Variants in COL18A1 observed in about 807,000 individuals in gnomAD.
COL18A1 encodes collagen alpha-1(XVIII) chain.
COL18A1 carries 133 observed loss-of-function variants against 168.0 expected under a neutral mutation model. The observed-to-expected ratio is 0.79, with a 90% CI of 0.69 to 0.91. The LOEUF is 0.91. COL18A1 is among the 40% of genes least tolerant of loss of function. COL18A1 has a pLI of 0.00. For synonymous variants in COL18A1, 949 were observed against 809.0 expected (o/e 1.17, Z -2.94); for missense variants, 2,126 against 1,925.4 (o/e 1.10, Z -1.95).
At chr21:45,405,915 C>T (rs1381571923) in intron 2 of COL18A1, among the ~76,000 whole-genome samples, 4 of 151,790 alleles carry the variant, frequency 2.6e-5, no homozygotes, top group African/African-American at 7.3e-5. Context: ...CCTGTTGAGG[C>T]TCCTCGCCGC....
At chr21:45,495,613 C>A in intron 29 of COL18A1, 181 bp downstream of exon 29, 3 of 623,362 alleles carry the variant, frequency 4.8e-6, no homozygotes, top group Non-Finnish European at 8.9e-6. Flanking sequence ...CACACGCACA[C>A]GTGTGCCCAA....
At position 45,455,830 on chromosome 21, in the gene COL18A1, G is replaced by A. The variant is rs370812546; in HGVS notation, c.107-12412G>A. On this transcript the variant is annotated intron_variant, in intron 2 of 41. Transcript: ENST00000651438. ...ACACCCCCACTTCTGCCGAGAGCCC[G>A]GACGCGCCAGAGGAGAACATTGCCG... 19 of 1,613,164 alleles carry A rather than the reference G, an allele frequency of 1.2e-5. No individual in the cohort carries two copies. The highest frequency in any genetic ancestry group is 2.2e-5 in the East Asian group (1 of 44,890).
At chr21:45,472,909 C>T (rs2035497578) in intron 3 of COL18A1, among the ~76,000 whole-genome samples, 7 of 152,222 alleles carry the variant, frequency 4.6e-5, no homozygotes, top group East Asian at 3.9e-4. Flanking sequence ...ACACTCAGCA[C>T]TCACACCCCG....
intron 15 of COL18A1, among the ~76,000 whole-genome samples, chr21:45,485,388 T>C (rs1024788126): frequency 6.6e-6 from 1 of 151,670 alleles, no homozygotes; most frequent in Admixed American, 6.6e-5. Context: ...CCCAGCACTT[T>C]GGGAGGCTGA....
chr21:45,495,541 G>C, intron 29 of COL18A1, 109 bp downstream of exon 29: 1 of 905,174 alleles, frequency 1.1e-6, no homozygotes, highest in South Asian at 1.4e-5. Flanking sequence ...CTTATAAGCA[G>C]CCCTGCCATG....
At chr21:45,475,242 C>T (rs768957537) in intron 4 of COL18A1, among the ~76,000 whole-genome samples, 17 of 152,336 alleles carry the variant, frequency 1.1e-4, no homozygotes, top group Middle Eastern at 3.4e-3. Flanking sequence ...GGTTCAGAAG[C>T]GTCACTGTCC....
rs1427494908 is a variant in COL18A1 at position 45,443,526 on chromosome 21, C to G, written c.107-24716C>G. ...CAGAGCTAGGAGCCTCGGCCAAGGGCTCCCTCCTTGCACTGTGGTCTCTCG... is the reference window on the plus strand; with the variant it reads ...CAGAGCTAGGAGCCTCGGCCAAGGGGTCCCTCCTTGCACTGTGGTCTCTCG... On this transcript the variant is annotated intron_variant, in intron 2 of 41. Transcript: ENST00000651438. This position sits in a 1 kb window ranked among gnomAD's most constrained non-coding sequence, Gnocchi z 5.2. 1.3e-5 allele frequency among the ~76,000 whole-genome samples: 2 copies of G among 152,162 alleles called. No homozygotes were observed. Among genetic ancestry groups the G allele is most frequent in the Non-Finnish European group, 2.9e-5 (2 of 68,004 alleles).
intron 11 of COL18A1, 101 bp downstream of exon 11, chr21:45,480,257 C>A: frequency 1.8e-6 from 2 of 1,134,794 alleles, no homozygotes; most frequent in Non-Finnish European, 2.6e-6. Context: ...CAGGGGCTTG[C>A]GTGGGGTCTT....
intron 32 of COL18A1, among the ~76,000 whole-genome samples, chr21:45,503,423 T>G (rs1394953256): frequency 6.6e-6 from 1 of 152,142 alleles, no homozygotes; most frequent in African/African-American, 2.4e-5. Flanking sequence ...GGGTTGTTTG[T>G]GGCACATATA....
chr21:45,475,655 G>A lies in COL18A1; in HGVS notation c.798+120G>A. 5.7e-6 allele frequency: 5 copies of A among 879,566 alleles called. No individual in the cohort carries two copies. In the South Asian group the frequency reaches 7.4e-5, roughly 13 times the overall value. 54.5% of individuals were successfully genotyped at this position (879,566 alleles called of 1,614,324 possible). A position where few individuals can be genotyped will look rare whatever the true frequency, so the allele number is the denominator to read the frequency against. ...CCAAGAGCTCCCTCTATGCCACGAAGACATATTCCTGGCTGGGGACAGGGA... is the reference window on the plus strand; with the variant it reads ...CCAAGAGCTCCCTCTATGCCACGAAAACATATTCCTGGCTGGGGACAGGGA... On this transcript the variant is annotated intron_variant, in intron 5 of 41. Transcript: ENST00000651438.
intron 2 of COL18A1, among the ~76,000 whole-genome samples, chr21:45,418,728 T>G (rs2033524713): frequency 6.6e-6 from 1 of 150,430 alleles, no homozygotes. Context: ...CGTCACTTCC[T>G]GGGGTCTCAG....
intron 2 of COL18A1, among the ~76,000 whole-genome samples, chr21:45,450,205 C>T (rs988347644): frequency 6.6e-6 from 1 of 152,154 alleles, no homozygotes; most frequent in Admixed American, 6.5e-5. Flanking sequence ...AGGGAGGCCA[C>T]ACCTGAGGGG....
intron 24 of COL18A1, 53 bp downstream of exon 24, chr21:45,492,766 A>C: frequency 1.1e-6 from 1 of 948,290 alleles, no homozygotes; most frequent in Non-Finnish European, 1.6e-6. Flanking sequence ...AGGGGTCTCC[A>C]CCTGGTAGCA....
chr21:45,452,911 ATGTG>A (rs910906389), intron 2 of COL18A1, among the ~76,000 whole-genome samples: 10 of 151,160 alleles, frequency 6.6e-5, no homozygotes, highest in Non-Finnish European at 8.9e-5. Context: ...ATGTATGTAC[ATGTG>A]TGTGAGTATT....
intron 2 of COL18A1, among the ~76,000 whole-genome samples, chr21:45,464,422 C>T (rs919605617): frequency 7.9e-5 from 12 of 152,160 alleles, no homozygotes; most frequent in African/African-American, 2.7e-4. Context: ...TCCCACTAAC[C>T]ACGGCCACCT....
intron 2 of COL18A1, among the ~76,000 whole-genome samples, chr21:45,464,260 G>A (rs1485618038): frequency 6.6e-6 from 1 of 152,172 alleles, no homozygotes; most frequent in African/African-American, 2.4e-5. Flanking sequence ...CTCTTCCCAG[G>A]ATGGGATTTT....
chr21:45,476,860 TTG>T (rs995345815), intron 6 of COL18A1, among the ~76,000 whole-genome samples: 5 of 151,218 alleles, frequency 3.3e-5, no homozygotes, highest in African/African-American at 9.7e-5. Context: ...AGTGTGCGTA[TTG>T]TGTGTATGTG....
rs1177196097 is a variant in COL18A1, at chr21:45,443,102, C to T, written c.107-25140C>T. On this transcript the variant is annotated intron_variant, in intron 2 of 41. Transcript: ENST00000651438. The surrounding 1 kb of genome is among the most constrained non-coding windows in gnomAD (Gnocchi z 5.2). Reference sequence around the variant, plus strand: ...GTGGTGGTGGTGCTGATGTGGGCGGCGGTGCTGGTGTGGGCGGCGGTGCTG... The same window carrying T: ...GTGGTGGTGGTGCTGATGTGGGCGGTGGTGCTGGTGTGGGCGGCGGTGCTG... 8.3e-4 allele frequency among the ~76,000 whole-genome samples: 34 copies of T among 40,890 alleles called. 1 individual carries two copies. Among genetic ancestry groups the T allele is most frequent in the African/African-American group, 2.4e-3 (29 of 12,050 alleles). 26.8% of individuals were successfully genotyped at this position (40,890 alleles called of 152,430 possible). A position where few individuals can be genotyped will look rare whatever the true frequency, so the allele number is the denominator to read the frequency against.
intron 32 of COL18A1, among the ~76,000 whole-genome samples, chr21:45,499,459 G>A (rs112570614): frequency 0.045 from 2,134 of 47,492 alleles, 10 homozygotes; most frequent in Middle Eastern, 0.083. Context: ...GGGCTGCCCC[G>A]CATGGCATCC....
Sources: allele counts gnomAD v4.1 joint callset (sites outside exome capture counted in the v4.1 genomes callset), GRCh38; gene constraint gnomAD v4.1.1; non-coding constraint Gnocchi (gnomAD v3.1); transcripts MANE v1.5; gene names NCBI Gene and HGNC (gene_info 2026-07-23, HGNC 2026-07-21).